Variants in ERBB4 observed in about 807,000 individuals in gnomAD.
ERBB4 encodes erb-b2 receptor tyrosine kinase 4.
A neutral mutation model predicts 158.0 loss-of-function variants in ERBB4; 42 were observed. The ratio of observed to expected loss-of-function variants is 0.27; its 90% CI spans 0.21 to 0.34. The LOEUF is 0.34. Among genes scored for constraint, ERBB4 ranks in the 10% least tolerant of loss-of-function variants. The pLI, the probability that ERBB4 is intolerant of heterozygous loss-of-function variation, is 1.00. For synonymous variants in ERBB4, 583 were observed against 558.7 expected (o/e 1.04, Z -0.61); for missense variants, 1,333 against 1,624.1 (o/e 0.82, Z 3.08).
chr2:211,829,133 A>G (rs1344038117), intron 3 of ERBB4, among the ~76,000 whole-genome samples: 1 of 152,178 alleles, frequency 6.6e-6, no homozygotes, highest in Admixed American at 6.6e-5. Context: ...GTCAGCTTAA[A>G]GCACACACAA....
chr2:211,868,764 A>T (rs954858670), intron 3 of ERBB4, among the ~76,000 whole-genome samples: 4 of 152,160 alleles, frequency 2.6e-5, no homozygotes, highest in African/African-American at 9.7e-5. Flanking sequence ...ATAAAGACTT[A>T]AAAATGTTAT....
At chr2:211,457,000 T>A (rs1486943373) in intron 20 of ERBB4, among the ~76,000 whole-genome samples, 2 of 152,236 alleles carry the variant, frequency 1.3e-5, no homozygotes, top group Non-Finnish European at 2.9e-5. Context: ...TTATATATGA[T>A]ACTTTGTTAT....
At chr2:212,428,822 G>A (rs191738450) in intron 1 of ERBB4, among the ~76,000 whole-genome samples, 6 of 152,186 alleles carry the variant, frequency 3.9e-5, no homozygotes, top group African/African-American at 4.8e-5. Flanking sequence ...TACTCACTAA[G>A]TCTGGGAAAG....
intron 9 of ERBB4, among the ~76,000 whole-genome samples, chr2:211,707,816 T>C (rs1247363527): frequency 6.6e-6 from 1 of 152,174 alleles, no homozygotes; most frequent in Non-Finnish European, 1.5e-5. Context: ...TTGAGCCTAA[T>C]TATATATTAA....
chr2:211,431,346 A>T (rs1378625941), intron 20 of ERBB4, among the ~76,000 whole-genome samples: 1 of 152,162 alleles, frequency 6.6e-6, no homozygotes, highest in East Asian at 1.9e-4. Flanking sequence ...TAAATGTTAG[A>T]TCATTATTTT....
At chr2:211,697,561 G>T (rs1192413491) in intron 12 of ERBB4, among the ~76,000 whole-genome samples, 1 of 151,986 alleles carries the variant, frequency 6.6e-6, no homozygotes, top group African/African-American at 2.4e-5. Context: ...TTTGTAAATA[G>T]TTCTTTCAAA....
At chr2:212,530,116 GA>G (rs929878169) in intron 1 of ERBB4, among the ~76,000 whole-genome samples, 3 of 152,132 alleles carry the variant, frequency 2.0e-5, no homozygotes, top group Non-Finnish European at 4.4e-5. Context: ...ACAGTGACAG[GA>G]AGGAGATTTT....
At chr2:211,830,143 T>C (rs1271820723) in intron 3 of ERBB4, among the ~76,000 whole-genome samples, 2 of 152,202 alleles carry the variant, frequency 1.3e-5, no homozygotes, top group Non-Finnish European at 2.9e-5. Flanking sequence ...CACAACTCTT[T>C]CTTGGGGACT....
At chr2:211,693,724 T>C (rs990194031) in intron 12 of ERBB4, among the ~76,000 whole-genome samples, 1 of 152,180 alleles carries the variant, frequency 6.6e-6, no homozygotes, top group Non-Finnish European at 1.5e-5. Flanking sequence ...ATAGAAATAG[T>C]GTAACAAACT....
chr2:211,427,225 T>C (rs1231635282), intron 22 of ERBB4, among the ~76,000 whole-genome samples: 1 of 151,232 alleles, frequency 6.6e-6, no homozygotes, highest in African/African-American at 2.4e-5. Context: ...TCTTTTTTTT[T>C]CCAACAATGC....
At chr2:211,465,622 G>A (rs1440702714) in intron 20 of ERBB4, among the ~76,000 whole-genome samples, 1 of 151,634 alleles carries the variant, frequency 6.6e-6, no homozygotes, top group East Asian at 1.9e-4. Flanking sequence ...TGAAAAAAAG[G>A]GCCTCAAATA....
intron 3 of ERBB4, among the ~76,000 whole-genome samples, chr2:211,863,005 T>A (rs563770984): frequency 1.4e-5 from 2 of 147,204 alleles, no homozygotes; most frequent in Non-Finnish European, 3.0e-5. Context: ...AAATGCACCA[T>A]TCAGCACTCT....
At chr2:211,422,211 C>T (rs1475548239) in intron 23 of ERBB4, 107 bp from the exon 24 acceptor site, 6 of 723,470 alleles carry the variant, frequency 8.3e-6, no homozygotes, top group African/African-American at 1.8e-5. Flanking sequence ...TTGTTTTAAT[C>T]GTAATGATCT....
intron 22 of ERBB4, among the ~76,000 whole-genome samples, chr2:211,427,318 A>G (rs2063651170): frequency 1.3e-5 from 2 of 151,968 alleles, no homozygotes; most frequent in African/African-American, 4.8e-5. Context: ...CCACCCTTTT[A>G]TTTAAGTGGG....
chr2:211,744,697 C>T (rs2074908296), intron 5 of ERBB4, among the ~76,000 whole-genome samples: 2 of 152,182 alleles, frequency 1.3e-5, no homozygotes, highest in South Asian at 4.1e-4. Flanking sequence ...AGGATAACTC[C>T]CAGCACATTT....
intron 20 of ERBB4, among the ~76,000 whole-genome samples, chr2:211,524,423 C>CGGGGGGGGG (rs1559258462): frequency 6.7e-6 from 1 of 149,072 alleles, no homozygotes; most frequent in African/African-American, 2.6e-5. Context: ...TGCCGTGGAG[C>CGGGGGGGGG]AGGGGGTGGT....
At chr2:211,881,914 G>A (rs1349635893) in intron 3 of ERBB4, among the ~76,000 whole-genome samples, 3 of 152,088 alleles carry the variant, frequency 2.0e-5, no homozygotes, top group African/African-American at 7.2e-5. Context: ...CAGTCTTTTT[G>A]GGGGGATGCT....
chr2:211,851,272 G>A lies in ERBB4; in HGVS notation c.422-63113C>T, dbSNP rs527450483. On this transcript the variant is annotated intron_variant, in intron 3 of 27. Coordinates refer to ENST00000342788, the MANE Select transcript of ERBB4 (RefSeq NM_005235.3). Reference sequence around the variant, plus strand: ...CTAATGATTCAGTTCATGGTGTTAAGGTCTGCAAGAAATATAATTTATTTA... The same window carrying A: ...CTAATGATTCAGTTCATGGTGTTAAAGTCTGCAAGAAATATAATTTATTTA... Among the ~76,000 whole-genome samples the A allele has an allele frequency of 2.0e-5, 3 of 151,714 alleles. No individual in the cohort carries two copies. In the South Asian group the frequency reaches 6.2e-4, roughly 32 times the overall value.
intron 25 of ERBB4, among the ~76,000 whole-genome samples, chr2:211,402,886 T>G (rs2063074107): frequency 6.6e-6 from 1 of 151,974 alleles, no homozygotes; most frequent in Non-Finnish European, 1.5e-5. Context: ...AAACTAGTAG[T>G]TAATTCCTGA....
Sources: allele counts gnomAD v4.1 joint callset (sites outside exome capture counted in the v4.1 genomes callset), GRCh38; gene constraint gnomAD v4.1.1; transcripts MANE v1.5; gene names NCBI Gene and HGNC (gene_info 2026-07-23, HGNC 2026-07-21).